Variants in TSHZ2 observed in about 807,000 individuals in gnomAD.
TSHZ2 encodes teashirt zinc finger homeobox 2.
TSHZ2 carries 21 observed loss-of-function variants against 74.4 expected under a neutral mutation model. The observed-to-expected ratio is 0.28, with a 90% CI of 0.20 to 0.41. TSHZ2 has a LOEUF of 0.41. Ranked by LOEUF, TSHZ2 falls within the 10% of genes least tolerant of loss-of-function variation. The pLI, the probability that TSHZ2 is intolerant of heterozygous loss-of-function variation, is 1.00. For missense variants in TSHZ2, 1,244 were observed against 1,293.5 expected, an observed-to-expected ratio of 0.96 and a Z score of 0.59; for synonymous variants, 540 against 515.3, an observed-to-expected ratio of 1.05 and a Z score of -0.65.
At chr20:53,460,877 T>G (rs1451468644) in intron 2 of TSHZ2, among the ~76,000 whole-genome samples, 1 of 152,116 alleles carries the variant, frequency 6.6e-6, no homozygotes, top group African/African-American at 2.4e-5. Context: ...AGGGACCCAC[T>G]TGAGGAGGCA....
chr20:53,376,789 ACAGT>A (rs1312275145), intron 2 of TSHZ2, among the ~76,000 whole-genome samples: 1 of 152,254 alleles, frequency 6.6e-6, no homozygotes, highest in African/African-American at 2.4e-5. Context: ...TGGTCTCAAC[ACAGT>A]CAGACTCCTT....
rs571280778 is a variant in TSHZ2 at position 52,978,739 on chromosome 20, A to C, written c.40+5406A>C. On this transcript the variant is annotated intron_variant, in intron 1 of 2. Transcript: ENST00000371497. ...TGGTATTAAAAGAAGCCTGGCGCAC[A>C]AATAATTTTATTGCTTCACAAGTTG... is the stretch of plus-strand genomic sequence containing the variant. Among the ~76,000 whole-genome samples, 33 of 152,350 alleles carry C rather than the reference A, an allele frequency of 2.2e-4. No individual in the cohort carries two copies. The South Asian group carries it at 6.6e-3, about 31-fold the overall frequency.
chr20:53,038,908 G>GTTTGTGTT (rs146845423), intron 1 of TSHZ2, among the ~76,000 whole-genome samples: 3 of 148,004 alleles, frequency 2.0e-5, no homozygotes. Context: ...TTGTTTGTTT[G>GTTTGTGTT]TTTTTGAGAT....
chr20:53,121,701 A>G (rs916451714), intron 1 of TSHZ2, among the ~76,000 whole-genome samples: 3 of 152,206 alleles, frequency 2.0e-5, no homozygotes, highest in African/African-American at 7.2e-5. Flanking sequence ...AAAGTGTATA[A>G]ACACCAAACA....
At position 53,488,796 on chromosome 20, in the gene TSHZ2, T is replaced by A. The variant is rs1986364670; in HGVS notation, c.*1661T>A. On this transcript the variant is annotated 3_prime_UTR_variant, in exon 3 of 3. Transcript: ENST00000371497. ...AGGAGGCTGCCTGTTGGAATTGTTT[T>A]GGAAATTTTGACATGATCCCTAAAT... is the stretch of plus-strand genomic sequence containing the variant. 1 of 322,192 alleles carries A rather than the reference T, an allele frequency of 3.1e-6. No homozygotes were observed. The highest frequency in any genetic ancestry group is 4.4e-5 in the Admixed American group (1 of 22,904). 20.0% of individuals were successfully genotyped at this position (322,192 alleles called of 1,614,324 possible).
intron 1 of TSHZ2, among the ~76,000 whole-genome samples, chr20:53,075,456 G>C (rs916259109): frequency 2.0e-5 from 3 of 152,166 alleles, no homozygotes; most frequent in African/African-American, 7.2e-5. Flanking sequence ...ACACGAAGGG[G>C]ATTTGAAGTC....
At chr20:53,413,779 ATTAC>A (rs1218473540) in intron 2 of TSHZ2, among the ~76,000 whole-genome samples, 1 of 152,262 alleles carries the variant, frequency 6.6e-6, no homozygotes, top group Non-Finnish European at 1.5e-5. Flanking sequence ...TGCAAGAGTT[ATTAC>A]TTAGTGGAAA....
chr20:53,260,049 T>C (rs979461038), intron 2 of TSHZ2, among the ~76,000 whole-genome samples: 2 of 150,042 alleles, frequency 1.3e-5, no homozygotes, highest in South Asian at 2.1e-4. Flanking sequence ...TTCCCTTCTT[T>C]CCTTCCTTCC....
chr20:53,356,970 T>C (rs1980870046), intron 2 of TSHZ2, among the ~76,000 whole-genome samples: 1 of 152,124 alleles, frequency 6.6e-6, no homozygotes, highest in Admixed American at 6.6e-5. Flanking sequence ...TGTGTGCGCA[T>C]GTGTGTGTGC....
chr20:53,378,039 GATAAAA>G (rs1981724270), intron 2 of TSHZ2, among the ~76,000 whole-genome samples: 1 of 152,002 alleles, frequency 6.6e-6, no homozygotes, highest in African/African-American at 2.4e-5. Flanking sequence ...CTGTTCAAAA[GATAAAA>G]ATAATAGAAC....
chr20:53,277,708 T>C (rs67511263), intron 2 of TSHZ2, among the ~76,000 whole-genome samples: 23,291 of 152,158 alleles, frequency 0.15, 2,242 homozygotes, highest in African/African-American at 0.26. Flanking sequence ...CAAGAAAATA[T>C]GGACATTTGG....
At chr20:53,200,526 T>A (rs6097296) in intron 1 of TSHZ2, among the ~76,000 whole-genome samples, 72,482 of 152,088 alleles carry the variant, frequency 0.48, 21,663 homozygotes, top group African/African-American at 0.83. Context: ...TGTTTCAAAT[T>A]AGGAGGAGAT....
chr20:53,201,940 G>C (rs982300124), intron 1 of TSHZ2, among the ~76,000 whole-genome samples: 3 of 152,200 alleles, frequency 2.0e-5, no homozygotes, highest in Admixed American at 6.5e-5. Flanking sequence ...GAGAAGGCCA[G>C]AAGTGATTGG....
intron 2 of TSHZ2, among the ~76,000 whole-genome samples, chr20:53,472,969 C>T (rs1171209558): frequency 6.6e-6 from 1 of 151,986 alleles, no homozygotes; most frequent in Admixed American, 6.5e-5. Flanking sequence ...AACGGCGCAC[C>T]ACGAGATTAT....
chr20:52,985,150 G>A (rs1481740425), intron 1 of TSHZ2, among the ~76,000 whole-genome samples: 1 of 151,944 alleles, frequency 6.6e-6, no homozygotes, highest in East Asian at 1.9e-4. Context: ...AGACAACTCA[G>A]TCACTAGGCA....
At chr20:53,308,961 G>A (rs576504365) in intron 2 of TSHZ2, among the ~76,000 whole-genome samples, 41 of 152,238 alleles carry the variant, frequency 2.7e-4, no homozygotes, top group South Asian at 1.7e-3. Flanking sequence ...AGAGGGCTGC[G>A]GTTTTAACAA....
At position 53,012,268 on chromosome 20, in the gene TSHZ2, C is replaced by T. The variant is rs556282748; in HGVS notation, c.40+38935C>T. On this transcript the variant is annotated intron_variant, in intron 1 of 2. Coordinates refer to ENST00000371497, the MANE Select transcript of TSHZ2 (RefSeq NM_173485.6). ...GGGTCCATTTGTCTGACCTTATCACCTTCCGTTCTTGTTTCCCGTCTCTGT... is the reference window on the plus strand; with the variant it reads ...GGGTCCATTTGTCTGACCTTATCACTTTCCGTTCTTGTTTCCCGTCTCTGT... Among the ~76,000 whole-genome samples, 28 of 152,248 alleles carry T rather than the reference C, an allele frequency of 1.8e-4. No homozygotes were observed. The South Asian group carries it at 5.4e-3, about 29-fold the overall frequency.
intron 2 of TSHZ2, among the ~76,000 whole-genome samples, chr20:53,478,689 A>G (rs565459190): frequency 7.3e-5 from 11 of 151,656 alleles, no homozygotes; most frequent in African/African-American, 2.7e-4. Flanking sequence ...ATAAATAAAT[A>G]AATTTAGTTA....
At chr20:53,374,755 C>T (rs1239880412) in intron 2 of TSHZ2, among the ~76,000 whole-genome samples, 4 of 152,074 alleles carry the variant, frequency 2.6e-5, no homozygotes, top group African/African-American at 9.7e-5. Flanking sequence ...TGATGTTGAG[C>T]ATTTTCTCAT....
Sources: allele counts gnomAD v4.1 joint callset (sites outside exome capture counted in the v4.1 genomes callset), GRCh38; gene constraint gnomAD v4.1.1; transcripts MANE v1.5; gene names NCBI Gene and HGNC (gene_info 2026-07-23, HGNC 2026-07-21).